The following IL21 variants were observed in gnomAD, a reference collection of about 807,000 sequenced individuals.
IL21 encodes the protein interleukin-21.
In IL21, 3 loss-of-function variants were observed where a neutral mutation model predicts 18.4. That is an observed-to-expected ratio of 0.16 (90% CI 0.07 to 0.42). The LOEUF is 0.42. Among genes scored for constraint, IL21 ranks in the 10% least tolerant of loss-of-function variants. The pLI, the probability that IL21 is intolerant of heterozygous loss-of-function variation, is 0.99. For synonymous variants in IL21, 37 were observed against 62.0 expected, an observed-to-expected ratio of 0.60 and a Z score of 1.90; for missense variants, 130 against 188.4, an observed-to-expected ratio of 0.69 and a Z score of 1.81.
intron 3 of IL21, among the ~76,000 whole-genome samples, chr4:122,614,147 G>T (rs923806907): frequency 6.6e-6 from 1 of 152,114 alleles, no homozygotes; most frequent in Non-Finnish European, 1.5e-5. Context: ...TGGGGCTAGT[G>T]ACTTAACTCC....
At position 122,612,361 on chromosome 4, in the gene IL21, A is replaced by G. The variant is rs1799273697; in HGVS notation, c.*349T>C. ...AATGAAGGTATATATGTTTTAAGTT[A>G]TGATCATAATAGACCTCATTCTGGT... On this transcript the variant is annotated 3_prime_UTR_variant, in exon 5 of 5. Coordinates refer to ENST00000648588, the MANE Select transcript of IL21 (RefSeq NM_021803.4). Among the ~76,000 whole-genome samples the G allele has an allele frequency of 6.6e-6, 1 of 152,066 alleles. No individual in the cohort carries two copies. The highest frequency in any genetic ancestry group is 1.5e-5 in the Non-Finnish European group (1 of 68,004).
At chr4:122,620,606 C>T in intron 2 of IL21, 95 bp downstream of exon 2, 1 of 993,674 alleles carries the variant, frequency 1.0e-6, no homozygotes, top group Non-Finnish European at 1.5e-6. Context: ...CATTAAAATT[C>T]AGTATACTCC....
rs1285707295 is a variant in IL21, at chr4:122,611,566, T to C, written c.*1144A>G. 2.6e-5 allele frequency among the ~76,000 whole-genome samples: 4 copies of C among 152,226 alleles called. No homozygotes were observed. The highest frequency in any genetic ancestry group is 5.9e-5 in the Non-Finnish European group (4 of 68,018). On this transcript the variant is annotated 3_prime_UTR_variant, in exon 5 of 5. Coordinates refer to ENST00000648588, the MANE Select transcript of IL21 (RefSeq NM_021803.4). ...TAAACAAGCTGTGCTGGAGTTGATA[T>C]GAAATGGCAGGTAGAGTAGGTTGCT... is the stretch of plus-strand genomic sequence containing the variant.
chr4:122,619,663 T>C (rs1799395927), intron 2 of IL21, among the ~76,000 whole-genome samples: 1 of 152,236 alleles, frequency 6.6e-6, no homozygotes. Context: ...GAAAAGTCTT[T>C]CCAATAAGCT....
chr4:122,612,619 T>C lies in IL21; in HGVS notation c.*91A>G. 2.2e-6 allele frequency: 2 copies of C among 925,238 alleles called. No individual in the cohort carries two copies. The highest frequency in any genetic ancestry group is 1.6e-5 in the African/African-American group (1 of 60,870). The allele number at this position is 925,238 out of a possible 1,614,324, so 57.3% of individuals were successfully genotyped here. On this transcript the variant is annotated 3_prime_UTR_variant, in exon 5 of 5. Coordinates refer to ENST00000648588, the MANE Select transcript of IL21 (RefSeq NM_021803.4). ...ATGAGTTTTTTTTTCCCATCGCTAA[T>C]ATATTGTACTCCTCCACTTGGAATA...
intron 3 of IL21, among the ~76,000 whole-genome samples, chr4:122,614,545 A>G (rs537644885): frequency 6.6e-6 from 1 of 152,088 alleles, no homozygotes; most frequent in South Asian, 2.1e-4. Context: ...CGGCACTACT[A>G]AAAATACAAA....
At chr4:122,617,578 C>T (rs926002648) in intron 2 of IL21, among the ~76,000 whole-genome samples, 6 of 152,120 alleles carry the variant, frequency 3.9e-5, no homozygotes, top group African/African-American at 9.7e-5. Flanking sequence ...TGGTCAGTAC[C>T]GGTACTCAAA....
chr4:122,618,937 G>A (rs1446789863), intron 2 of IL21: 1 of 150,506 alleles, frequency 6.6e-6, no homozygotes, highest in Admixed American at 6.6e-5. Flanking sequence ...GGGCTGTCTT[G>A]TGCATTCTAG....
At chr4:122,620,557 TATAA>T in intron 2 of IL21, 140 bp downstream of exon 2, 2 of 712,134 alleles carry the variant, frequency 2.8e-6, no homozygotes, top group East Asian at 2.8e-5. Flanking sequence ...TTAACCAAAA[TATAA>T]ATAAATATTT....
chr4:122,620,557 T>C, intron 2 of IL21, 144 bp downstream of exon 2: 1 of 712,134 alleles, frequency 1.4e-6, no homozygotes, highest in Non-Finnish European at 2.3e-6. Flanking sequence ...TTAACCAAAA[T>C]ATAAATAAAT....
intron 2 of IL21, among the ~76,000 whole-genome samples, chr4:122,616,611 A>G (rs1402204802): frequency 6.6e-6 from 1 of 152,234 alleles, no homozygotes; most frequent in Non-Finnish European, 1.5e-5. Flanking sequence ...GAAGGTAAGA[A>G]TAGGGTCTCA....
At position 122,611,747 on chromosome 4, in the gene IL21, C is replaced by G. The variant is rs1364367492; in HGVS notation, c.*963G>C. 6.6e-6 allele frequency among the ~76,000 whole-genome samples: 1 copy of G among 151,888 alleles called. No individual in the cohort carries two copies. The highest frequency in any genetic ancestry group is 1.5e-5 in the Non-Finnish European group (1 of 67,964). ...CCAAAGTATAGTAACTATAAGTGTC[C>G]AAAATGTTAAACATGTTGTGAAATT... On this transcript the variant is annotated 3_prime_UTR_variant, in exon 5 of 5. Coordinates refer to ENST00000648588, the MANE Select transcript of IL21 (RefSeq NM_021803.4).
chr4:122,618,735 G>C (rs1414885516), intron 2 of IL21, among the ~76,000 whole-genome samples: 1 of 147,098 alleles, frequency 6.8e-6, no homozygotes, highest in Non-Finnish European at 1.5e-5. Flanking sequence ...GAACCTGGGA[G>C]GCAGAGGTTG....
intron 2 of IL21, among the ~76,000 whole-genome samples, chr4:122,617,781 G>A (rs1799359775): frequency 6.6e-6 from 1 of 152,178 alleles, no homozygotes. Context: ...GCAGAGCTGT[G>A]TCTGGCAATA....
rs1374961032 is a variant in IL21 at position 122,611,448 on chromosome 4, A to G, written c.*1262T>C. Among the ~76,000 whole-genome samples, 4 of 152,208 alleles carry G rather than the reference A, an allele frequency of 2.6e-5. No individual in the cohort carries two copies. Among genetic ancestry groups the G allele is most frequent in the African/African-American group, 9.6e-5 (4 of 41,456 alleles). On this transcript the variant is annotated 3_prime_UTR_variant, in exon 5 of 5. Coordinates refer to ENST00000648588, the MANE Select transcript of IL21 (RefSeq NM_021803.4). ...CATTTCTCATCCCACATCCTCTTGC[A>G]TAATCACAACTATTTTAACAATAAG...
chr4:122,617,481 T>C (rs971421410), intron 2 of IL21, among the ~76,000 whole-genome samples: 5 of 152,162 alleles, frequency 3.3e-5, no homozygotes. Flanking sequence ...AACATTTACA[T>C]GTGTATGCTG....
At chr4:122,616,961 C>T (rs776615919) in intron 2 of IL21, among the ~76,000 whole-genome samples, 1 of 152,184 alleles carries the variant, frequency 6.6e-6, no homozygotes, top group Non-Finnish European at 1.5e-5. Flanking sequence ...CAAAGGCAGG[C>T]CTATACGTAA....
rs1450544119 is a variant in IL21, at chr4:122,610,726, G to T, written c.*1984C>A. 1.3e-5 allele frequency among the ~76,000 whole-genome samples: 2 copies of T among 152,150 alleles called. No individual in the cohort carries two copies. The highest frequency in any genetic ancestry group is 2.1e-4 in the South Asian group (1 of 4,826). The stretch of plus-strand genomic sequence containing the variant: ...GTCTCCTGTATTACTGTCCATAGAT[G>T]AACAGTTATATTTATGGGTTATCTT... On this transcript the variant is annotated 3_prime_UTR_variant, in exon 5 of 5. Transcript: ENST00000648588.
Position 122,612,586 on chromosome 4 carries a change from G to T in IL21, c.*124C>A. On this transcript the variant is annotated 3_prime_UTR_variant, in exon 5 of 5. Coordinates refer to ENST00000648588, the MANE Select transcript of IL21 (RefSeq NM_021803.4). ...ATTATGGGGAAATAATCCTGACTTT[G>T]CACACTTATGAGTTTTTTTTTCCCA... 1.5e-6 allele frequency: 1 copy of T among 669,134 alleles called. No individual in the cohort carries two copies. Among genetic ancestry groups the T allele is most frequent in the Non-Finnish European group, 2.6e-6 (1 of 380,268 alleles). The allele number at this position is 669,134 out of a possible 1,614,324, so 41.4% of individuals were successfully genotyped here.
Sources: allele counts gnomAD v4.1 joint callset (sites outside exome capture counted in the v4.1 genomes callset), GRCh38; gene constraint gnomAD v4.1.1; transcripts MANE v1.5; gene names NCBI Gene and HGNC (gene_info 2026-07-23, HGNC 2026-07-21).